Variants in LRP2 observed in about 807,000 individuals in gnomAD.
LRP2 encodes low-density lipoprotein receptor-related protein 2.
LRP2 carries 172 observed loss-of-function variants against 531.0 expected under a neutral mutation model. The ratio of observed to expected loss-of-function variants is 0.32; its 90% CI spans 0.29 to 0.37. The LOEUF (loss-of-function observed/expected upper bound fraction) is 0.37. Ranked by LOEUF, LRP2 falls within the 10% of genes least tolerant of loss-of-function variation. The probability of loss-of-function intolerance (pLI) is 1.00; values close to 1 mark genes in which losing one functional copy is unlikely to be tolerated. For missense variants in LRP2, 5,167 were observed against 5,868.3 expected (o/e 0.88, Z 3.90); for synonymous variants, 1,992 against 2,027.6 (o/e 0.98, Z 0.47).
At chr2:169,160,685 A>AAAAAAACAAAAAAACAAAAAAAC (rs1553487412) in intron 63 of LRP2, among the ~76,000 whole-genome samples, 1 of 94,234 alleles carries the variant, frequency 1.1e-5, no homozygotes, top group East Asian at 2.3e-4. Context: ...ATTTCCTTAA[A>AAAAAAACAAAAAAACAAAAAAAC]AAAAAAAAAA....
intron 14 of LRP2, 137 bp downstream of exon 14, chr2:169,274,899 A>G: frequency 1.2e-6 from 1 of 825,968 alleles, no homozygotes; most frequent in Non-Finnish European, 2.0e-6. Context: ...AGAGTTTAAC[A>G]CTCTGGGTAA....
Position 169,152,354 on chromosome 2 carries a change from C to T in LRP2, c.12461+445G>A, listed in dbSNP as rs544529692. ...GATTGTTCGTCCCCAAGATAACTAC[C>T]ATAGAAAAAAAGTTTCATCTCAACT... On this transcript the variant is annotated intron_variant, in intron 67 of 78. Coordinates refer to ENST00000649046, the MANE Select transcript of LRP2 (RefSeq NM_004525.3). Among the ~76,000 whole-genome samples, 49 of 152,164 alleles carry T rather than the reference C, an allele frequency of 3.2e-4. No homozygotes were observed. The South Asian group carries it at 8.3e-3, about 26-fold the overall frequency.
chr2:169,235,361 T>G (rs1689567085), intron 29 of LRP2, among the ~76,000 whole-genome samples: 1 of 152,050 alleles, frequency 6.6e-6, no homozygotes, highest in African/African-American at 2.4e-5. Flanking sequence ...TGTCTCAGCT[T>G]CCCGAATAGC....
chr2:169,235,878 T>C lies in LRP2; in HGVS notation c.4882A>G (p.Asn1628Asp), dbSNP rs1032963253. 11 of 1,614,088 alleles carry C rather than the reference T, an allele frequency of 6.8e-6. No individual in the cohort carries two copies. Among genetic ancestry groups the C allele is most frequent in the Non-Finnish European group, 8.5e-6 (10 of 1,180,030 alleles). ...YLDYMDFCDYNGHHRRQVIAS... is the reference protein window; with the variant it reads ...YLDYMDFCDYDGHHRRQVIAS... ...ATCACCTGTCTCCGATGGTGTCCATTATAATCACAAAAGTCCATGTAATCA... is the reference window on the plus strand; with the variant it reads ...ATCACCTGTCTCCGATGGTGTCCATCATAATCACAAAAGTCCATGTAATCA... Residue 1628 changes from asparagine (N) to aspartate (D), a missense_variant, in exon 29 of 79, where the codon AAT becomes GAT. Asn to Asp is a conservative substitution (Grantham distance 23). Transcript: ENST00000649046.
At chr2:169,168,516 C>T in intron 61 of LRP2, 23 bp downstream of exon 61, 1 of 1,613,852 alleles carries the variant, frequency 6.2e-7, no homozygotes, top group Non-Finnish European at 8.5e-7. Context: ...CACTCCCATT[C>T]ACTCCGTTTC....
intron 63 of LRP2, among the ~76,000 whole-genome samples, chr2:169,160,851 T>A (rs1353044189): frequency 6.6e-6 from 1 of 152,206 alleles, no homozygotes; most frequent in African/African-American, 2.4e-5. Context: ...CACTTCATTC[T>A]GTCAATAACT....
Position 169,242,963 on chromosome 2 carries a change from T to C in LRP2, c.3660A>G (p.Ala1220=), listed in dbSNP as rs831042. The C allele has an allele frequency of 0.48, 767,575 of 1,609,298 alleles. 189,124 individuals are homozygous for C. Among genetic ancestry groups the C allele is most frequent in the South Asian group, 0.72 (65,745 of 90,998 alleles). Residue 1220 remains alanine (A), a synonymous_variant, in exon 24 of 79, where the codon GCA becomes GCG. Coordinates refer to ENST00000649046, the MANE Select transcript of LRP2 (RefSeq NM_004525.3). Reference sequence around the variant, plus strand: ...TGGGTATGTGTTACTTACGACAGCCTGCTTCATCCGAGTTGTCACTGCAAT... The same window carrying C: ...TGGGTATGTGTTACTTACGACAGCCCGCTTCATCCGAGTTGTCACTGCAAT... ...VFDCSDNSDE[A]GCPTRPPGMC... is the part of the protein sequence containing the mutation.
intron 67 of LRP2, among the ~76,000 whole-genome samples, chr2:169,152,380 G>T (rs1304382132): frequency 6.6e-6 from 1 of 152,170 alleles, no homozygotes; most frequent in African/African-American, 2.4e-5. Context: ...CATCTCAACT[G>T]CTTTGCTGGG....
In LRP2 at chr2:169,174,215, G is replaced by T. The variant is rs193258071; in HGVS notation, c.10769-51C>A. The T allele has an allele frequency of 4.1e-4, 659 of 1,611,824 alleles. No homozygotes were observed. In the Middle Eastern group the frequency reaches 9.1e-3, roughly 22 times the overall value. On this transcript the variant is annotated intron_variant, in intron 55 of 78. Coordinates refer to ENST00000649046, the MANE Select transcript of LRP2 (RefSeq NM_004525.3). ...AGCTTGGAAGGCATCAAGAATGAAAGCTCCTAATTGACATCAGTGAATCCT... is the reference window on the plus strand; with the variant it reads ...AGCTTGGAAGGCATCAAGAATGAAATCTCCTAATTGACATCAGTGAATCCT...
At chr2:169,280,037 C>A (rs1683660017) in intron 11 of LRP2, among the ~76,000 whole-genome samples, 1 of 152,134 alleles carries the variant, frequency 6.6e-6, no homozygotes, top group Non-Finnish European at 1.5e-5. Flanking sequence ...TTTAAATGAT[C>A]AAATTTCAAA....
rs924310841 is a variant in LRP2 at position 169,362,424 on chromosome 2, C to T, written c.-25G>A. On this transcript the variant is annotated 5_prime_UTR_variant, in exon 1 of 79. Coordinates refer to ENST00000649046, the MANE Select transcript of LRP2 (RefSeq NM_004525.3). ...TCTCCGCGACGGTCCCCGGCCTCGC[C>T]GTTCCTTCCCCGGGAGGTGGGCGCG... The T allele has an allele frequency of 1.3e-5, 20 of 1,543,988 alleles. No homozygotes were observed. Among genetic ancestry groups the T allele is most frequent in the Non-Finnish European group, 1.7e-5 (19 of 1,146,292 alleles).
chr2:169,242,745 A>T (rs1689853839), intron 24 of LRP2, among the ~76,000 whole-genome samples: 1 of 152,238 alleles, frequency 6.6e-6, no homozygotes, highest in African/African-American at 2.4e-5. Context: ...GACTATTTGA[A>T]GTGTCCATTT....
At chr2:169,158,027 C>A (rs1686403885) in intron 63 of LRP2, among the ~76,000 whole-genome samples, 1 of 148,508 alleles carries the variant, frequency 6.7e-6, no homozygotes, top group Non-Finnish European at 1.5e-5. Context: ...TTTAAGAAGA[C>A]TATAATTTCC....
intron 71 of LRP2, 82 bp from the exon 72 acceptor site, chr2:169,140,627 G>C (rs935751559): frequency 9.3e-7 from 1 of 1,070,142 alleles, no homozygotes; most frequent in Non-Finnish European, 1.4e-6. Flanking sequence ...CCCAGGTTAG[G>C]GGTGGGAGGA....
intron 16 of LRP2, among the ~76,000 whole-genome samples, chr2:169,260,479 C>T (rs1465918982): frequency 1.3e-5 from 2 of 151,956 alleles, no homozygotes; most frequent in African/African-American, 4.8e-5. Flanking sequence ...AGTGGTCATG[C>T]CCTTCCTCTA....
intron 57 of LRP2, among the ~76,000 whole-genome samples, chr2:169,172,830 G>A (rs907829993): frequency 3.3e-5 from 5 of 152,164 alleles, no homozygotes; most frequent in African/African-American, 1.2e-4. Flanking sequence ...TTCTACATTT[G>A]GAAGAAATTA....
At chr2:169,210,008 C>T (rs1688538220) in intron 37 of LRP2, among the ~76,000 whole-genome samples, 1 of 152,042 alleles carries the variant, frequency 6.6e-6, no homozygotes, top group Non-Finnish European at 1.5e-5. Flanking sequence ...AGAAGGATTA[C>T]AGTAATTGAC....
At chr2:169,326,867 C>T (rs529432801) in intron 1 of LRP2, among the ~76,000 whole-genome samples, 2,394 of 150,918 alleles carry the variant, frequency 0.016, 71 homozygotes, top group African/African-American at 0.055. Flanking sequence ...TCTGCCCCGC[C>T]GCCCCGTCTG....
chr2:169,255,139 G>A (rs920778459), intron 19 of LRP2, among the ~76,000 whole-genome samples: 2 of 152,114 alleles, frequency 1.3e-5, no homozygotes, highest in African/African-American at 4.8e-5. Flanking sequence ...GTTTCAACCA[G>A]GGACACAACT....
Sources: allele counts gnomAD v4.1 joint callset (sites outside exome capture counted in the v4.1 genomes callset), GRCh38; gene constraint gnomAD v4.1.1; transcripts MANE v1.5; gene names NCBI Gene and HGNC (gene_info 2026-07-23, HGNC 2026-07-21).